Variants in CRY1 observed in about 807,000 individuals in gnomAD.
The protein encoded by CRY1 is cryptochrome circadian regulator 1, also known as cryptochrome-1.
Under a neutral mutation model 76.0 loss-of-function variants are expected in CRY1, and 45 were observed. That is an observed-to-expected ratio of 0.59 (90% CI 0.47 to 0.76). CRY1 has a LOEUF of 0.76. Ranked by LOEUF, CRY1 falls within the 30% of genes least tolerant of loss-of-function variation. CRY1 has a pLI of 0.00. For missense variants in CRY1, 587 were observed against 716.4 expected (o/e 0.82, Z 2.06); for synonymous variants, 248 against 244.0 (o/e 1.02, Z -0.15).
intron 2 of CRY1, among the ~76,000 whole-genome samples, chr12:107,014,832 C>CA (rs1416555296): frequency 6.6e-6 from 1 of 152,062 alleles, no homozygotes; most frequent in Admixed American, 6.6e-5. Flanking sequence ...AATGGTGTAG[C>CA]ATTAGGATAT....
At chr12:107,054,374 TA>T (rs1394604181) in intron 1 of CRY1, among the ~76,000 whole-genome samples, 1 of 151,556 alleles carries the variant, frequency 6.6e-6, no homozygotes, top group Non-Finnish European at 1.5e-5. Context: ...TATTAATTAA[TA>T]AATTTATTAA....
chr12:107,080,771 A>G (rs1953312994), intron 1 of CRY1, among the ~76,000 whole-genome samples: 1 of 152,046 alleles, frequency 6.6e-6, no homozygotes, highest in South Asian at 2.1e-4. Flanking sequence ...CTTAGTTTGG[A>G]TTGGGTTCAA....
At chr12:107,081,590 A>T (rs1430310863) in intron 1 of CRY1, among the ~76,000 whole-genome samples, 1 of 152,102 alleles carries the variant, frequency 6.6e-6, no homozygotes, top group Admixed American at 6.6e-5. Flanking sequence ...TATACCCAGC[A>T]TCAATAATAC....
chr12:107,053,043 T>C (rs1449306535), intron 1 of CRY1, among the ~76,000 whole-genome samples: 5 of 152,202 alleles, frequency 3.3e-5, no homozygotes, highest in Non-Finnish European at 7.3e-5. Flanking sequence ...CGAACTTGGA[T>C]ACATTTTGAA....
intron 4 of CRY1, 133 bp from the exon 5 acceptor site, chr12:107,001,501 G>T: frequency 2.6e-6 from 2 of 772,670 alleles, no homozygotes; most frequent in South Asian, 1.9e-5. Flanking sequence ...GCCTAAATAA[G>T]CCCTCACCTA....
At chr12:107,083,643 G>A (rs550676792) in intron 1 of CRY1, among the ~76,000 whole-genome samples, 5 of 151,912 alleles carry the variant, frequency 3.3e-5, no homozygotes, top group Non-Finnish European at 7.4e-5. Context: ...ATTCAACACC[G>A]CTTCATGCTA....
chr12:107,002,051 C>A (rs1367781460), intron 3 of CRY1, 103 bp from the exon 4 acceptor site: 2 of 968,800 alleles, frequency 2.1e-6, no homozygotes, highest in Non-Finnish European at 3.0e-6. Context: ...AAATTAATCA[C>A]TGAAGTCTTT....
intron 1 of CRY1, among the ~76,000 whole-genome samples, chr12:107,054,720 A>T (rs1729036649): frequency 6.6e-6 from 1 of 151,718 alleles, no homozygotes; most frequent in Non-Finnish European, 1.5e-5. Context: ...AGCTATATTA[A>T]TTATAAACAT....
chr12:107,071,646 GC>G (rs1390069524), intron 1 of CRY1, among the ~76,000 whole-genome samples: 1 of 152,050 alleles, frequency 6.6e-6, no homozygotes, highest in Non-Finnish European at 1.5e-5. Flanking sequence ...TAGGAGTTAT[GC>G]TTTGAAAAGA....
chr12:107,060,697 TA>T (rs1953035784), intron 1 of CRY1, among the ~76,000 whole-genome samples: 1 of 152,124 alleles, frequency 6.6e-6, no homozygotes, highest in African/African-American at 2.4e-5. Flanking sequence ...AACTCTTTTT[TA>T]AAAAAATTTG....
At chr12:107,044,397 A>C (rs1952828842) in intron 1 of CRY1, among the ~76,000 whole-genome samples, 1 of 152,162 alleles carries the variant, frequency 6.6e-6, no homozygotes, top group Non-Finnish European at 1.5e-5. Flanking sequence ...TGAGGTGCCC[A>C]CAGTTATTGC....
intron 1 of CRY1, among the ~76,000 whole-genome samples, chr12:107,052,804 T>C (rs2888896): frequency 0.71 from 107,641 of 152,068 alleles, 39,131 homozygotes; most frequent in East Asian, 0.97. Flanking sequence ...GCACAGAGAG[T>C]GAAAGAGTGG....
In CRY1 at chr12:106,999,747, A is replaced by C. The variant is rs2136821588; in HGVS notation, c.941T>G (p.Ile314Ser). ...TTTATCCCAAGGAATCTGAACACAG[A>C]TAGGGTTTCCTTCCATTTTATCAAA... ...PRFDKMEGNP[I>S]CVQIPWDKNP... The change falls in exon 7 of 13, where the codon ATC becomes AGC. Residue 314 changes from isoleucine (I) to serine (S), a missense_variant. Physicochemically the swap from Ile to Ser is moderately radical, Grantham distance 142. Transcript: ENST00000008527. The C allele has an allele frequency of 6.2e-7, 1 of 1,614,224 alleles. No individual in the cohort carries two copies. Among genetic ancestry groups the C allele is most frequent in the South Asian group, 1.1e-5 (1 of 91,088 alleles).
chr12:107,027,236 T>C (rs1226883410), intron 1 of CRY1, among the ~76,000 whole-genome samples: 1 of 152,194 alleles, frequency 6.6e-6, no homozygotes, highest in Non-Finnish European at 1.5e-5. Context: ...TCAACTTTAA[T>C]GTAATAGAAA....
intron 1 of CRY1, among the ~76,000 whole-genome samples, chr12:107,033,413 G>C (rs983534707): frequency 2.6e-5 from 4 of 152,062 alleles, no homozygotes. Context: ...TATTTTATAA[G>C]GTTAGATTTA....
intron 1 of CRY1, among the ~76,000 whole-genome samples, chr12:107,057,076 TAA>T (rs199629011): frequency 2.6e-5 from 4 of 151,424 alleles, no homozygotes; most frequent in African/African-American, 9.7e-5. Context: ...CATGTAACAA[TAA>T]AAAAAAGAAA....
intron 1 of CRY1, among the ~76,000 whole-genome samples, chr12:107,081,117 G>C (rs1408991507): frequency 1.3e-5 from 2 of 152,066 alleles, no homozygotes; most frequent in Non-Finnish European, 2.9e-5. Context: ...TATACTAGAA[G>C]GAAGAACTAG....
chr12:107,002,831 T>C (rs905339400), intron 3 of CRY1, among the ~76,000 whole-genome samples: 2 of 152,154 alleles, frequency 1.3e-5, no homozygotes, highest in Admixed American at 6.5e-5. Context: ...CAAGATCTGA[T>C]GGTTTTTAAA....
intron 2 of CRY1, among the ~76,000 whole-genome samples, chr12:107,017,380 T>C (rs183988866): frequency 2.0e-5 from 3 of 152,368 alleles, no homozygotes; most frequent in East Asian, 1.9e-4. Flanking sequence ...CTTAGTGGAA[T>C]TGTTAATTCT....
Sources: gnomAD v4.1 joint callset for allele counts (sites outside exome capture counted in the v4.1 genomes callset) on GRCh38, gnomAD v4.1.1 for gene constraint, MANE v1.5 for transcripts, NCBI Gene and HGNC (gene_info 2026-07-23, HGNC 2026-07-21) for gene names.